The following SLC4A7 variants were observed in gnomAD, a reference collection of about 807,000 sequenced individuals.
SLC4A7 encodes the protein sodium bicarbonate cotransporter 3.
Under a neutral mutation model 137.6 loss-of-function variants are expected in SLC4A7, and 51 were observed. The ratio of observed to expected loss-of-function variants is 0.37; its 90% confidence interval spans 0.30 to 0.47. The LOEUF (loss-of-function observed/expected upper bound fraction) is 0.47. SLC4A7 is among the 20% of genes least tolerant of loss of function. The pLI is 1.00. For missense variants in SLC4A7, 1,247 were observed against 1,525.4 expected (o/e 0.82, Z 3.04); for synonymous variants, 542 against 518.6 (o/e 1.05, Z -0.61).
intron 1 of SLC4A7, chr3:27,456,713 ATG>A (rs1183085675): frequency 6.2e-7 from 1 of 1,609,410 alleles, no homozygotes; most frequent in Non-Finnish European, 8.5e-7. Context: ...GTTTCTGATG[ATG>A]TAATGCAGTA....
At chr3:27,459,785 T>A (rs2058592504) in intron 1 of SLC4A7, among the ~76,000 whole-genome samples, 1 of 152,080 alleles carries the variant, frequency 6.6e-6, no homozygotes, top group South Asian at 2.1e-4. Flanking sequence ...ACTCATGAGA[T>A]ATAATTACAT....
intron 18 of SLC4A7, among the ~76,000 whole-genome samples, chr3:27,397,114 C>T (rs1281423071): frequency 3.3e-5 from 5 of 152,266 alleles, no homozygotes; most frequent in African/African-American, 4.8e-5. Flanking sequence ...CTGCAACCTC[C>T]GCCTCCTGGG....
At chr3:27,405,487 C>T (rs2053250757) in intron 13 of SLC4A7, among the ~76,000 whole-genome samples, 2 of 152,076 alleles carry the variant, frequency 1.3e-5, no homozygotes, top group Admixed American at 1.3e-4. Flanking sequence ...TGTTTTATTT[C>T]TTAAGTCTGT....
rs1057030343 is a variant in SLC4A7 at position 27,374,961 on chromosome 3, T to C, written c.*1803A>G. 5.9e-5 allele frequency: 9 copies of C among 152,422 alleles called. No homozygotes were observed. Among genetic ancestry groups the C allele is most frequent in the Non-Finnish European group, 8.8e-5 (6 of 67,892 alleles). The allele number at this position is 152,422 out of a possible 1,614,324, so 9.4% of individuals were successfully genotyped here. On this transcript the variant is annotated 3_prime_UTR_variant, in exon 26 of 26. Coordinates refer to ENST00000454389, the MANE Select transcript of SLC4A7 (RefSeq NM_001321103.2). ...AGCACCGTGGGTAATACTCTATCAA[T>C]TGCCAATAGAGTCTAACTCTTTTTA...
intron 18 of SLC4A7, 47 bp downstream of exon 18, chr3:27,397,637 A>T (rs2052330161): frequency 1.2e-6 from 1 of 863,296 alleles, no homozygotes; most frequent in African/African-American, 1.7e-5. Flanking sequence ...GCTTTAAAGT[A>T]GTGTGGTATT....
Position 27,391,786 on chromosome 3 carries a change from T to C in SLC4A7, c.3140A>G (p.Tyr1047Cys), listed in dbSNP as rs2051579677. The stretch of plus-strand genomic sequence containing the variant: ...AACTCCCATATAAAGGAAAACACCA[T>C]ACAGAACAGGCATTGGAATAAACTG... ...VLKFIPMPVL[Y>C]GVFLYMGVSS... The change falls in exon 21 of 26, where the codon TAT (tyrosine) becomes TGT (cysteine). Residue 1047 changes from tyrosine to cysteine, a missense_variant. Tyr to Cys is a radical substitution (Grantham distance 194). Around this residue, in one of 6 missense-constraint regions of SLC4A7, gnomAD observed 290 missense variants for 323.8 expected, o/e 0.90. Transcript: ENST00000454389. The C allele has an allele frequency of 6.3e-6, 10 of 1,597,938 alleles. No homozygotes were observed. The highest frequency in any genetic ancestry group is 8.6e-6 in the Non-Finnish European group (10 of 1,168,710).
At chr3:27,470,770 G>A (rs551456641) in intron 1 of SLC4A7, among the ~76,000 whole-genome samples, 43 of 151,800 alleles carry the variant, frequency 2.8e-4, no homozygotes, top group Non-Finnish European at 5.0e-4. Context: ...GTGAAACCCC[G>A]TCTCTACTAA....
intron 6 of SLC4A7, among the ~76,000 whole-genome samples, chr3:27,432,982 G>A (rs1019806199): frequency 1.3e-5 from 2 of 152,020 alleles, no homozygotes; most frequent in African/African-American, 2.4e-5. Flanking sequence ...AATACAACAT[G>A]GCATAATTTT....
chr3:27,438,627 A>T (rs1393960904), intron 3 of SLC4A7, among the ~76,000 whole-genome samples: 1 of 151,412 alleles, frequency 6.6e-6, no homozygotes, highest in South Asian at 2.1e-4. Flanking sequence ...ACAAAATAAC[A>T]TAACATAAAA....
intron 1 of SLC4A7, among the ~76,000 whole-genome samples, chr3:27,453,711 T>A (rs761797507): frequency 6.6e-6 from 1 of 152,248 alleles, no homozygotes; most frequent in Non-Finnish European, 1.5e-5. Flanking sequence ...TGAACTGATT[T>A]GATTAAATTT....
intron 3 of SLC4A7, 25 bp from the exon 4 acceptor site, chr3:27,437,551 T>C (rs764182616): frequency 3.4e-6 from 5 of 1,468,992 alleles, no homozygotes; most frequent in Non-Finnish European, 4.5e-6. Context: ...AATTTACATA[T>C]ACTCAAATTT....
intron 3 of SLC4A7, among the ~76,000 whole-genome samples, chr3:27,437,953 T>C (rs1270502603): frequency 3.3e-5 from 5 of 152,080 alleles, no homozygotes; most frequent in Admixed American, 3.3e-4. Flanking sequence ...TCCCAGCACT[T>C]TGAGAGGCAG....
intron 23 of SLC4A7, among the ~76,000 whole-genome samples, 171 bp downstream of exon 23, chr3:27,385,721 T>C (rs1576100264): frequency 6.6e-6 from 1 of 152,274 alleles, no homozygotes; most frequent in East Asian, 1.9e-4. Flanking sequence ...ACTCTCTGCC[T>C]GCTTCCTCAT....
chr3:27,391,642 T>G, intron 21 of SLC4A7, 98 bp downstream of exon 21: 1 of 715,612 alleles, frequency 1.4e-6, no homozygotes, highest in Non-Finnish European at 2.4e-6. Flanking sequence ...CCTCAAAATG[T>G]CAGAGTTGAG....
intron 12 of SLC4A7, 70 bp from the exon 13 acceptor site, chr3:27,409,600 G>C: frequency 1.6e-6 from 2 of 1,262,784 alleles, no homozygotes; most frequent in Admixed American, 4.9e-5. Context: ...CTAAAACTAT[G>C]GGCTACACAA....
At chr3:27,469,471 G>A (rs1055347151) in intron 1 of SLC4A7, among the ~76,000 whole-genome samples, 2 of 152,042 alleles carry the variant, frequency 1.3e-5, no homozygotes, top group Admixed American at 1.3e-4. Context: ...TTAATGTCCT[G>A]GAGCAGCTCA....
At chr3:27,398,004 G>A in intron 17 of SLC4A7, 188 bp downstream of exon 17, 1 of 612,906 alleles carries the variant, frequency 1.6e-6, no homozygotes. Context: ...CAACTCTTAT[G>A]GTACCATCAT....
chr3:27,400,460 T>C (rs537415148), intron 16 of SLC4A7, among the ~76,000 whole-genome samples: 17 of 152,346 alleles, frequency 1.1e-4, no homozygotes, highest in South Asian at 6.2e-4. Context: ...AACACTTCCT[T>C]TGAACGTATC....
rs944322826 is a variant in SLC4A7 at position 27,375,718 on chromosome 3, T to A, written c.*1046A>T. ...TTTAAGCATCATATCAAAATAAATA[T>A]TTTAAAATAAAATCACAGGTAACAA... On this transcript the variant is annotated 3_prime_UTR_variant, in exon 26 of 26. Transcript: ENST00000454389. 2 of 152,354 alleles carry A rather than the reference T, an allele frequency of 1.3e-5. No individual in the cohort carries two copies. Among genetic ancestry groups the A allele is most frequent in the Non-Finnish European group, 2.9e-5 (2 of 67,888 alleles). 9.4% of individuals were successfully genotyped at this position (152,354 alleles called of 1,614,324 possible). A position where few individuals can be genotyped will look rare whatever the true frequency, so the allele number is the denominator to read the frequency against.
Sources: allele counts gnomAD v4.1 joint callset (sites outside exome capture counted in the v4.1 genomes callset), GRCh38; gene constraint gnomAD v4.1.1; regional missense constraint gnomAD v4.1.1; transcripts MANE v1.5; gene names NCBI Gene and HGNC (gene_info 2026-07-23, HGNC 2026-07-21).